Variants in TBATA observed in about 807,000 individuals in gnomAD.
TBATA encodes protein TBATA.
TBATA carries 47 observed loss-of-function variants against 38.7 expected under a neutral mutation model. The ratio of observed to expected loss-of-function variants is 1.21; its 90% CI spans 0.96 to 1.55. The LOEUF (loss-of-function observed/expected upper bound fraction) is 1.55. Ranked by LOEUF, TBATA falls within the 40% of genes most tolerant of loss-of-function variation. The probability of loss-of-function intolerance (pLI) is 0.00; values close to 1 mark genes in which losing one functional copy is unlikely to be tolerated. For synonymous variants in TBATA, 183 were observed against 170.5 expected, an observed-to-expected ratio of 1.07 and a Z score of -0.57; for missense variants, 436 against 435.6, an observed-to-expected ratio of 1.00 and a Z score of -0.01.
rs761698626 is a variant in TBATA, at chr10:70,775,199, A to C, written c.765T>G (p.Ala255=). 1 of 1,613,910 alleles carries C rather than the reference A, an allele frequency of 6.2e-7. No individual in the cohort carries two copies. Among genetic ancestry groups the C allele is most frequent in the Non-Finnish European group, 8.5e-7 (1 of 1,179,786 alleles). Residue 255 remains alanine, a synonymous_variant, in exon 8 of 11, where the codon GCT becomes GCG. Coordinates refer to ENST00000456372, the MANE Select transcript of TBATA (RefSeq NM_001318241.2). ...GGGCTGTGTCCTCACCCTTGGGCGGAGCGTAGAGCAGCCAGAACTGGATTG... is the reference window on the plus strand; with the variant it reads ...GGGCTGTGTCCTCACCCTTGGGCGGCGCGTAGAGCAGCCAGAACTGGATTG... The part of the protein sequence containing the change: ...LSAIQFWLLY[A]PPKEKDLALG...
In TBATA at chr10:70,777,320, C is replaced by T; in HGVS notation, c.526G>A (p.Glu176Lys). The T allele has an allele frequency of 1.2e-6, 2 of 1,613,444 alleles. No homozygotes were observed. Among genetic ancestry groups the T allele is most frequent in the Non-Finnish European group, 1.7e-6 (2 of 1,179,812 alleles). The stretch of plus-strand genomic sequence containing the variant: ...TTTGCCCCCTGCTCCCGCAGAGGCT[C>T]CTCCTTCTGCTCCTTCTGCTGGGAC... Reference protein sequence around the residue: ...KKKEQKEQKEEPLREQGAKYS... With the variant: ...KKKEQKEQKEKPLREQGAKYS... The change falls in exon 7 of 11, where the codon GAG (glutamate) becomes AAG (lysine). Residue 176 changes from glutamate (E) to lysine (K), a missense_variant. Physicochemically the swap from Glu to Lys is moderately conservative, Grantham distance 56. Coordinates refer to ENST00000456372, the MANE Select transcript of TBATA (RefSeq NM_001318241.2).
intron 7 of TBATA, chr10:70,776,264 G>C: frequency 2.3e-6 from 1 of 444,194 alleles, no homozygotes; most frequent in Admixed American, 2.4e-5. Flanking sequence ...ATGCCCACCC[G>C]CTGTGCTGAC....
chr10:70,784,455 G>A (rs559585713), intron 2 of TBATA, among the ~76,000 whole-genome samples, 192 bp downstream of exon 2: 24 of 152,308 alleles, frequency 1.6e-4, no homozygotes, highest in African/African-American at 5.5e-4. Flanking sequence ...TAGGGATGGG[G>A]TTGGGACAGG....
At chr10:70,784,974 A>G (rs192611156) in intron 1 of TBATA, among the ~76,000 whole-genome samples, 10 of 152,192 alleles carry the variant, frequency 6.6e-5, no homozygotes, top group Admixed American at 6.5e-4. Flanking sequence ...TTTGGTTTTT[A>G]TTTCTTAAAT....
intron 4 of TBATA, among the ~76,000 whole-genome samples, chr10:70,780,599 C>T (rs367952367): frequency 1.3e-5 from 2 of 152,232 alleles, no homozygotes; most frequent in South Asian, 4.1e-4. Context: ...ACGTCTGTGT[C>T]TCTGCCCTGA....
chr10:70,772,697 A>AGTC (rs1842912037), intron 9 of TBATA, 131 bp from the exon 10 acceptor site: 1 of 945,560 alleles, frequency 1.1e-6, no homozygotes, highest in African/African-American at 1.6e-5. Context: ...GAGAGGCAAG[A>AGTC]GTCACCCCTC....
chr10:70,774,140 T>G, intron 9 of TBATA, 73 bp downstream of exon 9: 1 of 1,580,328 alleles, frequency 6.3e-7, no homozygotes, highest in Middle Eastern at 1.9e-4. Context: ...CCAGGCTCCC[T>G]TCTCCAGGTC....
At chr10:70,777,505 C>A (rs7092630) in intron 6 of TBATA, among the ~76,000 whole-genome samples, 167 bp from the exon 7 acceptor site, 2 of 85,120 alleles carry the variant, frequency 2.3e-5, no homozygotes, top group Admixed American at 2.2e-4. Flanking sequence ...AGCTCTGCCA[C>A]CCCCCCAACC....
At chr10:70,780,425 C>T (rs565430815) in intron 4 of TBATA, among the ~76,000 whole-genome samples, 1 of 151,976 alleles carries the variant, frequency 6.6e-6, no homozygotes, top group African/African-American at 2.4e-5. Context: ...GTCCCGGCTC[C>T]CTACCTCTCC....
At chr10:70,780,924 A>G (rs1844125974) in intron 4 of TBATA, among the ~76,000 whole-genome samples, 2 of 152,188 alleles carry the variant, frequency 1.3e-5, no homozygotes, top group African/African-American at 4.8e-5. Flanking sequence ...TCCAAGCCAC[A>G]CTTAAGACAG....
At chr10:70,774,418 G>A (rs970726708) in intron 8 of TBATA, 61 bp from the exon 9 acceptor site, 28 of 1,497,162 alleles carry the variant, frequency 1.9e-5, no homozygotes, top group African/African-American at 1.4e-5. Flanking sequence ...TCCCTGTGGC[G>A]GGGCCAGAAG....
At chr10:70,775,370 G>C (rs939903112) in intron 7 of TBATA, 100 bp from the exon 8 acceptor site, 1 of 1,040,550 alleles carries the variant, frequency 9.6e-7, no homozygotes, top group African/African-American at 1.6e-5. Context: ...CCCCCAAAGT[G>C]GGCTCCCAGA....
Position 70,783,374 on chromosome 10 carries a change from A to G in TBATA, c.6T>C (p.Ala2=). The G allele has an allele frequency of 6.2e-7, 1 of 1,614,150 alleles. No individual in the cohort carries two copies. The highest frequency in any genetic ancestry group is 8.5e-7 in the Non-Finnish European group (1 of 1,179,998). Residue 2 remains alanine, a synonymous_variant, in exon 3 of 11, where the codon GCT becomes GCC. Coordinates refer to ENST00000456372, the MANE Select transcript of TBATA (RefSeq NM_001318241.2). ...GATAATCAGCCAATTGAACATCTGT[A>G]GCCATTGTATGCTTTTTAACAGACT... M[A]TDVQLADYPL...
chr10:70,771,462 C>G lies in TBATA; in HGVS notation c.974-1G>C. The G allele has an allele frequency of 6.2e-7, 1 of 1,613,458 alleles. No homozygotes were observed. The highest frequency in any genetic ancestry group is 2.2e-5 in the East Asian group (1 of 44,854). On this transcript the variant is annotated splice_acceptor_variant, in intron 10 of 10. Coordinates refer to ENST00000456372, the MANE Select transcript of TBATA (RefSeq NM_001318241.2). LOFTEE classifies it high-confidence loss of function. ...AGGACTTGAGCTTCTCCAATGTACT[C>G]TAGTGGGAGGAGAGACAGCAGGCAG...
chr10:70,780,548 C>T (rs929101040), intron 4 of TBATA, among the ~76,000 whole-genome samples: 1 of 151,882 alleles, frequency 6.6e-6, no homozygotes, highest in Non-Finnish European at 1.5e-5. Flanking sequence ...GGGATCCTAC[C>T]CAGGCCCACC....
Position 70,781,904 on chromosome 10 carries a change from G to A in TBATA, c.174C>T (p.Thr58=), listed in dbSNP as rs373383382. The A allele has an allele frequency of 3.7e-6, 6 of 1,614,108 alleles. No homozygotes were observed. In the African/African-American group the frequency reaches 4.0e-5, roughly 11 times the overall value. ...AGGTGCCAGGGGTTTGGGGCTTTGGGGTCCTCAATGCCCGGCGGATCCGCT... is the reference window on the plus strand; with the variant it reads ...AGGTGCCAGGGGTTTGGGGCTTTGGAGTCCTCAATGCCCGGCGGATCCGCT... ...DFERIRRALR[T]PKPQTPGTYC... is the part of the protein sequence containing the mutation. The change falls in exon 4 of 11, where the codon ACC becomes ACT. Residue 58 remains threonine, a synonymous_variant. Transcript: ENST00000456372.
At chr10:70,781,778 C>A in intron 4 of TBATA, 23 bp downstream of exon 4, 1 of 1,604,978 alleles carries the variant, frequency 6.2e-7, no homozygotes, top group Non-Finnish European at 8.5e-7. Context: ...CCTCTGCTCC[C>A]ACCCCAACCA....
chr10:70,780,710 C>T (rs997209516), intron 4 of TBATA, among the ~76,000 whole-genome samples: 1 of 152,178 alleles, frequency 6.6e-6, no homozygotes, highest in African/African-American at 2.4e-5. Flanking sequence ...TGACTCCTCC[C>T]AGCCTACACT....
At chr10:70,771,515 C>T (rs1221987163) in intron 10 of TBATA, 54 bp from the exon 11 acceptor site, 6 of 1,559,248 alleles carry the variant, frequency 3.8e-6, no homozygotes, top group Non-Finnish European at 5.3e-6. Flanking sequence ...GGGGCCCCCA[C>T]CTGGGAGCTG....
Sources: gnomAD v4.1 joint callset for allele counts (sites outside exome capture counted in the v4.1 genomes callset) on GRCh38, gnomAD v4.1.1 for gene constraint, MANE v1.5 for transcripts, NCBI Gene and HGNC (gene_info 2026-07-23, HGNC 2026-07-21) for gene names.